The following CDH22 variants were observed in gnomAD, a reference collection of about 807,000 sequenced individuals.
The protein encoded by CDH22 is cadherin 22.
Under a neutral mutation model 58.4 loss-of-function variants are expected in CDH22, and 30 were observed. The ratio of observed to expected loss-of-function variants is 0.51; its 90% confidence interval spans 0.38 to 0.70. The LOEUF (loss-of-function observed/expected upper bound fraction) is 0.70. CDH22 is among the 30% of genes least tolerant of loss of function. The probability of loss-of-function intolerance (pLI) is 0.00; values close to 1 mark genes in which losing one functional copy is unlikely to be tolerated. For synonymous variants in CDH22, 513 were observed against 558.2 expected (o/e 0.92, Z 1.14); for missense variants, 1,014 against 1,233.9 (o/e 0.82, Z 2.67).
intron 8 of CDH22, among the ~76,000 whole-genome samples, chr20:46,189,556 G>A (rs2085849394): frequency 6.6e-6 from 1 of 152,186 alleles, no homozygotes; most frequent in African/African-American, 2.4e-5. Flanking sequence ...AGGATGGACT[G>A]CTGAGTGAGT....
intron 1 of CDH22, among the ~76,000 whole-genome samples, chr20:46,299,260 A>G (rs2086640967): frequency 6.6e-6 from 1 of 151,994 alleles, no homozygotes; most frequent in Non-Finnish European, 1.5e-5. Context: ...TGCTCTTTCC[A>G]CCTGCAGAAA....
chr20:46,248,436 A>C (rs929945393), intron 2 of CDH22, among the ~76,000 whole-genome samples: 6 of 152,208 alleles, frequency 3.9e-5, no homozygotes, highest in Admixed American at 2.6e-4. Flanking sequence ...TTCCTGGACC[A>C]AAGGTCTTTT....
At chr20:46,275,739 A>G (rs1466838767) in intron 1 of CDH22, among the ~76,000 whole-genome samples, 1 of 152,016 alleles carries the variant, frequency 6.6e-6, no homozygotes, top group Non-Finnish European at 1.5e-5. Flanking sequence ...GCATTGAATG[A>G]GCAAATCTCT....
In CDH22 at chr20:46,187,498, A is replaced by G. The variant is rs571940877; in HGVS notation, c.1424-551T>C. Among the ~76,000 whole-genome samples, 4 of 151,850 alleles carry G rather than the reference A, an allele frequency of 2.6e-5. No homozygotes were observed. In the East Asian group the frequency reaches 7.8e-4, roughly 29 times the overall value. On this transcript the variant is annotated intron_variant, in intron 8 of 11. Transcript: ENST00000537909. ...CATTAGAATTAGCACCACCACCACC[A>G]GAACCACATCCTCTAGTACTACACC...
At chr20:46,264,049 T>C (rs1001254985) in intron 1 of CDH22, among the ~76,000 whole-genome samples, 4 of 152,262 alleles carry the variant, frequency 2.6e-5, no homozygotes, top group Admixed American at 1.3e-4. Flanking sequence ...GAATCAGATG[T>C]AGCGGACGAG....
At chr20:46,277,647 G>T (rs958500393) in intron 1 of CDH22, among the ~76,000 whole-genome samples, 3 of 152,042 alleles carry the variant, frequency 2.0e-5, no homozygotes, top group African/African-American at 7.2e-5. Context: ...TCAGAGGGGG[G>T]TGAGTTTGGA....
Position 46,197,295 on chromosome 20 carries a change from G to GATATATATATATATATAT in CDH22, c.1423+2110_1423+2127dup, listed in dbSNP as rs34730995. ...ATGTGCTGGAAAGCATCTAGGCCAG[G>GATATATATATATATATAT]ATATATATATATATATATATATACA... On this transcript the variant is annotated intron_variant, in intron 8 of 11. Transcript: ENST00000537909. Among the ~76,000 whole-genome samples, 39 of 141,998 alleles carry GATATATATATATATATAT rather than the reference G, an allele frequency of 2.7e-4. 1 individual carries two copies. Among genetic ancestry groups the GATATATATATATATATAT allele is most frequent in the Non-Finnish European group, 4.9e-4 (32 of 64,702 alleles). 93.2% of individuals were successfully genotyped at this position (141,998 alleles called of 152,430 possible).
At chr20:46,181,299 C>G (rs1249629868) in intron 10 of CDH22, among the ~76,000 whole-genome samples, 1 of 152,122 alleles carries the variant, frequency 6.6e-6, no homozygotes, top group African/African-American at 2.4e-5. Context: ...AACAGAGCAC[C>G]TGAGCCAGTC....
intron 1 of CDH22, among the ~76,000 whole-genome samples, chr20:46,266,084 G>C (rs1003774853): frequency 6.6e-6 from 1 of 152,116 alleles, no homozygotes; most frequent in Non-Finnish European, 1.5e-5. Flanking sequence ...CCAGCCAGAG[G>C]GAGGCTCTCT....
rs148469928 is a variant in CDH22 at position 46,276,015 on chromosome 20, G to C, written c.-399-24322C>G. Among the ~76,000 whole-genome samples, 501 of 152,280 alleles carry C rather than the reference G, an allele frequency of 3.3e-3. 5 individuals are homozygous for C. Among genetic ancestry groups the C allele is most frequent in the African/African-American group, 0.012 (484 of 41,560 alleles). ...CACATATGATGGCCCAGAGGTCAGG[G>C]AGAAAGTGTGTCATCCTGTTTGGGG... On this transcript the variant is annotated intron_variant, in intron 1 of 11. Transcript: ENST00000537909.
chr20:46,264,011 G>T (rs1018336049), intron 1 of CDH22, among the ~76,000 whole-genome samples: 2 of 152,126 alleles, frequency 1.3e-5, no homozygotes, highest in Non-Finnish European at 2.9e-5. Context: ...GGAATATTTA[G>T]GAAGCAAAAT....
At chr20:46,244,136 CT>C (rs1218744321) in intron 2 of CDH22, among the ~76,000 whole-genome samples, 1 of 152,216 alleles carries the variant, frequency 6.6e-6, no homozygotes, top group Non-Finnish European at 1.5e-5. Flanking sequence ...TTTCCATCTC[CT>C]GGGTCTCCAT....
chr20:46,184,782 T>C (rs1249542044), intron 10 of CDH22, among the ~76,000 whole-genome samples: 1 of 152,072 alleles, frequency 6.6e-6, no homozygotes, highest in Non-Finnish European at 1.5e-5. Context: ...AGGCAGTAGG[T>C]GTTACTCCCA....
chr20:46,212,911 T>A (rs947072568), intron 6 of CDH22, 84 bp downstream of exon 6: 15 of 1,090,848 alleles, frequency 1.4e-5, no homozygotes, highest in Non-Finnish European at 1.9e-5. Flanking sequence ...TGGAGTGAGG[T>A]GGGGGTATTC....
At chr20:46,304,883 C>A (rs115318483) in intron 1 of CDH22, among the ~76,000 whole-genome samples, 3 of 152,112 alleles carry the variant, frequency 2.0e-5, no homozygotes, top group African/African-American at 7.2e-5. Flanking sequence ...GTATATGAAG[C>A]CTTTTTGCAA....
chr20:46,264,733 G>A (rs1183520310), intron 1 of CDH22, among the ~76,000 whole-genome samples: 2 of 152,020 alleles, frequency 1.3e-5, no homozygotes, highest in Non-Finnish European at 2.9e-5. Context: ...CTTCCCCCAC[G>A]CTACTTGACG....
rs201681278 is a variant in CDH22, at chr20:46,223,756, TTTTC to T, written c.670+3748_670+3751del. Among the ~76,000 whole-genome samples, 233 of 148,888 alleles carry T rather than the reference TTTTC, an allele frequency of 1.6e-3. 4 individuals carry two copies. The highest frequency in any genetic ancestry group is 5.7e-3 in the South Asian group (27 of 4,708). Reference sequence around the variant, plus strand: ...TTCTTTCTTTCTCTTTCCTCTTTCTTTTTCTTTCTTTCTTTCTTTCCTCTCTTTC... The same window carrying T: ...TTCTTTCTTTCTCTTTCCTCTTTCTTTTTCTTTCTTTCTTTCCTCTCTTTC... On this transcript the variant is annotated intron_variant, in intron 4 of 11. Coordinates refer to ENST00000537909, the MANE Select transcript of CDH22 (RefSeq NM_021248.3).
chr20:46,174,518 G>A lies in CDH22; in HGVS notation c.2475C>T (p.Ala825=), dbSNP rs2085720248. The A allele has an allele frequency of 2.0e-6, 3 of 1,513,556 alleles. No homozygotes were observed. Among genetic ancestry groups the A allele is most frequent in the Non-Finnish European group, 2.6e-6 (3 of 1,137,574 alleles). The allele number at this position is 1,513,556 out of a possible 1,614,324, so 93.8% of individuals were successfully genotyped here. Residue 825 remains alanine, a synonymous_variant, in exon 12 of 12, where the codon GCC becomes GCT. Coordinates refer to ENST00000537909, the MANE Select transcript of CDH22 (RefSeq NM_021248.3). The surrounding 1 kb of genome is among the most constrained non-coding windows in gnomAD (Gnocchi z 4.4). ...LYAGHRGDDE[A]QAS ...GCAGGGCGAGGGGCTAGGAGGCCTG[G>A]GCCTCGTCGTCCCCGCGGTGGCCGG...
At chr20:46,227,650 G>A (rs1230874478) in intron 3 of CDH22, 23 bp from the exon 4 acceptor site, 2 of 1,600,430 alleles carry the variant, frequency 1.2e-6, no homozygotes, top group Non-Finnish European at 1.7e-6. Context: ...GACCAAGCGA[G>A]ACAGGGGTCA....
Sources: allele counts gnomAD v4.1 joint callset (sites outside exome capture counted in the v4.1 genomes callset), GRCh38; gene constraint gnomAD v4.1.1; non-coding constraint Gnocchi (gnomAD v3.1); transcripts MANE v1.5; gene names NCBI Gene and HGNC (gene_info 2026-07-23, HGNC 2026-07-21).